CEP128: variants seen among roughly 807,000 people sequenced by gnomAD.
The protein encoded by CEP128 is centrosomal protein 128kDa.
In CEP128, 132 loss-of-function variants were observed where a neutral mutation model predicts 156.7. That is an observed-to-expected ratio of 0.84 (90% CI 0.73 to 0.97). The LOEUF is 0.97. Among genes scored for constraint, CEP128 ranks in the 50% least tolerant of loss-of-function variants. The probability of loss-of-function intolerance (pLI) is 0.00; values close to 1 mark genes in which losing one functional copy is unlikely to be tolerated. For missense variants in CEP128, 1,252 were observed against 1,281.9 expected, an observed-to-expected ratio of 0.98 and a Z score of 0.36; for synonymous variants, 469 against 448.9, an observed-to-expected ratio of 1.04 and a Z score of -0.57.
intron 13 of CEP128, among the ~76,000 whole-genome samples, chr14:80,813,785 C>G (rs1025831941): frequency 1.3e-5 from 2 of 152,066 alleles, no homozygotes; most frequent in Non-Finnish European, 1.5e-5. Flanking sequence ...TTTTCTAGGT[C>G]TATATTCATC....
At chr14:80,898,723 C>T (rs1889459830) in intron 7 of CEP128, among the ~76,000 whole-genome samples, 1 of 151,978 alleles carries the variant, frequency 6.6e-6, no homozygotes, top group Non-Finnish European at 1.5e-5. Flanking sequence ...TTAATTTTAT[C>T]AGCTTGTAAA....
chr14:80,755,841 A>G (rs894974874), intron 18 of CEP128, among the ~76,000 whole-genome samples: 5 of 152,144 alleles, frequency 3.3e-5, no homozygotes, highest in Non-Finnish European at 2.9e-5. Context: ...TTTCATCACA[A>G]CCCGTTTACA....
At chr14:80,951,217 C>G (rs916823655) in intron 2 of CEP128, among the ~76,000 whole-genome samples, 4 of 151,990 alleles carry the variant, frequency 2.6e-5, no homozygotes, top group African/African-American at 9.7e-5. Flanking sequence ...TGGATCAATA[C>G]TAAGGAATGA....
At chr14:80,742,560 T>C (rs1284865589) in intron 19 of CEP128, among the ~76,000 whole-genome samples, 1 of 152,218 alleles carries the variant, frequency 6.6e-6, no homozygotes, top group African/African-American at 2.4e-5. Context: ...AAATTCCCCT[T>C]ACTCTACTGT....
At chr14:80,748,182 A>G (rs1017622841) in intron 18 of CEP128, among the ~76,000 whole-genome samples, 3 of 152,184 alleles carry the variant, frequency 2.0e-5, no homozygotes, top group African/African-American at 7.2e-5. Flanking sequence ...GGAAATCTGC[A>G]AATTAAATTG....
intron 14 of CEP128, among the ~76,000 whole-genome samples, chr14:80,786,861 T>C (rs890064749): frequency 6.6e-6 from 1 of 152,044 alleles, no homozygotes; most frequent in Non-Finnish European, 1.5e-5. Context: ...TAATCCCAGC[T>C]ATTTGGAAGG....
chr14:80,713,162 G>C (rs1037486344), intron 19 of CEP128, among the ~76,000 whole-genome samples: 1 of 152,062 alleles, frequency 6.6e-6, no homozygotes, highest in Non-Finnish European at 1.5e-5. Flanking sequence ...ATTGCTCCTA[G>C]CATTATCCTA....
chr14:80,542,805 G>T (rs1181958519), intron 21 of CEP128, among the ~76,000 whole-genome samples: 1 of 152,190 alleles, frequency 6.6e-6, no homozygotes, highest in Non-Finnish European at 1.5e-5. Flanking sequence ...ACCTGGAGCA[G>T]AGGGTCCTGA....
intron 9 of CEP128, among the ~76,000 whole-genome samples, chr14:80,844,345 A>T (rs967825382): frequency 2.0e-5 from 3 of 152,052 alleles, no homozygotes; most frequent in African/African-American, 7.2e-5. Flanking sequence ...ACTACAACTT[A>T]AAAAATAAAA....
chr14:80,529,686 A>G (rs1368593888), intron 22 of CEP128, among the ~76,000 whole-genome samples: 5 of 152,216 alleles, frequency 3.3e-5, no homozygotes, highest in African/African-American at 9.6e-5. Flanking sequence ...ATTGTCTCCT[A>G]TCACACTGGG....
At chr14:80,769,237 C>CT (rs58466818) in intron 16 of CEP128, among the ~76,000 whole-genome samples, 147 of 137,426 alleles carry the variant, frequency 1.1e-3, no homozygotes, top group Middle Eastern at 4.1e-3. Context: ...ATTTCTTCCT[C>CT]TTTTTTTTTT....
At chr14:80,874,903 C>T (rs1028788704) in intron 8 of CEP128, among the ~76,000 whole-genome samples, 10 of 152,332 alleles carry the variant, frequency 6.6e-5, no homozygotes, top group Admixed American at 6.5e-4. Flanking sequence ...CAGGCGTGAG[C>T]CACCGCGCCT....
At chr14:80,746,123 A>G (rs1899086677) in intron 18 of CEP128, among the ~76,000 whole-genome samples, 1 of 152,172 alleles carries the variant, frequency 6.6e-6, no homozygotes, top group Admixed American at 6.5e-5. Context: ...ACGTAAATGG[A>G]TTGAAAGCGA....
rs78460513 is a variant in CEP128 at position 80,638,817 on chromosome 14, C to T, written c.2807-58394G>A. On this transcript the variant is annotated intron_variant, in intron 19 of 24. Coordinates refer to ENST00000555265, the MANE Select transcript of CEP128 (RefSeq NM_152446.5). ...AGGTCATTAAAATGGTAGCTCCTAA[C>T]ATTTCAAATACTATCTCTGAATTTG... is the stretch of plus-strand genomic sequence containing the variant. Among the ~76,000 whole-genome samples the T allele has an allele frequency of 5.9e-5, 9 of 152,276 alleles. No homozygotes were observed. The East Asian group carries it at 1.7e-3, about 29-fold the overall frequency.
chr14:80,557,941 C>T (rs1217634655), intron 21 of CEP128, among the ~76,000 whole-genome samples: 1 of 151,758 alleles, frequency 6.6e-6, no homozygotes, highest in Admixed American at 6.6e-5. Flanking sequence ...ATATTTTTAT[C>T]ACTCTTTATA....
At chr14:80,510,796 G>GT (rs1179828276) in intron 23 of CEP128, among the ~76,000 whole-genome samples, 1 of 151,222 alleles carries the variant, frequency 6.6e-6, no homozygotes, top group Non-Finnish European at 1.5e-5. Context: ...TAAAACCTGA[G>GT]TTTTTTGAGG....
Position 80,937,065 on chromosome 14 carries a change from C to T in CEP128, c.-16+2320G>A, listed in dbSNP as rs1396601334. On this transcript the variant is annotated intron_variant, in intron 2 of 24. Coordinates refer to ENST00000555265, the MANE Select transcript of CEP128 (RefSeq NM_152446.5). The stretch of plus-strand genomic sequence containing the variant: ...AGGCGCAGTGGCCCATGCCTGTAAT[C>T]ACAGTATTTTGGGAGGCCAAGGTAG... Among the ~76,000 whole-genome samples the T allele has an allele frequency of 2.6e-5, 4 of 152,124 alleles. No individual in the cohort carries two copies. In the East Asian group the frequency reaches 5.8e-4, roughly 22 times the overall value.
intron 19 of CEP128, among the ~76,000 whole-genome samples, chr14:80,737,606 G>A (rs1298312886): frequency 6.6e-6 from 1 of 152,146 alleles, no homozygotes; most frequent in African/African-American, 2.4e-5. Context: ...CTAAGGCCAG[G>A]TGCACAGTTT....
intron 23 of CEP128, among the ~76,000 whole-genome samples, chr14:80,511,602 C>T (rs1369111068): frequency 6.6e-6 from 1 of 151,654 alleles, no homozygotes; most frequent in Non-Finnish European, 1.5e-5. Context: ...TTTATATCTA[C>T]TCTGATCTTC....
Sources: gnomAD v4.1 joint callset for allele counts (sites outside exome capture counted in the v4.1 genomes callset) on GRCh38, gnomAD v4.1.1 for gene constraint, MANE v1.5 for transcripts, NCBI Gene and HGNC (gene_info 2026-07-23, HGNC 2026-07-21) for gene names.